Variants in BCHE observed in about 807,000 individuals in gnomAD.
BCHE encodes cholinesterase.
Under a neutral mutation model 51.3 loss-of-function variants are expected in BCHE, and 48 were observed. The observed-to-expected ratio is 0.94, with a 90% CI of 0.74 to 1.19. The LOEUF is 1.19. Ranked by LOEUF, BCHE falls within the 50% of genes most tolerant of loss-of-function variation. The probability of loss-of-function intolerance (pLI) is 0.00; values close to 1 mark genes in which losing one functional copy is unlikely to be tolerated. For synonymous variants in BCHE, 251 were observed against 238.0 expected (o/e 1.05, Z -0.50); for missense variants, 847 against 708.2 (o/e 1.20, Z -2.23).
chr3:165,812,286 A>AT (rs11391808), intron 2 of BCHE, among the ~76,000 whole-genome samples: 136,864 of 147,684 alleles, frequency 0.93, 63,601 homozygotes, highest in Non-Finnish European at 0.96. Flanking sequence ...TGAGTCTTTG[A>AT]TTTTTTTTTT....
chr3:165,788,309 GACAA>G (rs1440691040), intron 2 of BCHE, among the ~76,000 whole-genome samples: 6 of 152,014 alleles, frequency 3.9e-5, no homozygotes, highest in African/African-American at 1.4e-4. Context: ...GAGCTTTAGA[GACAA>G]ACAGTTTCTT....
chr3:165,796,373 A>G (rs1253240808), intron 2 of BCHE, among the ~76,000 whole-genome samples: 1 of 152,218 alleles, frequency 6.6e-6, no homozygotes, highest in African/African-American at 2.4e-5. Context: ...AATCCTGCAT[A>G]TAAGGTGAGA....
At chr3:165,822,199 GATAA>G (rs1350385689) in intron 2 of BCHE, among the ~76,000 whole-genome samples, 26 of 151,850 alleles carry the variant, frequency 1.7e-4, no homozygotes, top group Admixed American at 1.4e-3. Flanking sequence ...ATAAATAAAT[GATAA>G]ATAAATAAGA....
intron 2 of BCHE, among the ~76,000 whole-genome samples, chr3:165,821,926 T>C: frequency 7.3e-6 from 1 of 136,122 alleles, no homozygotes; most frequent in Middle Eastern, 3.4e-3. Context: ...TGGTGAAAAA[T>C]GTATTAATAC....
intron 2 of BCHE, among the ~76,000 whole-genome samples, chr3:165,819,274 T>TC (rs5854162): frequency 0.98 from 148,705 of 151,828 alleles, 72,842 homozygotes; most frequent in East Asian, 1. Flanking sequence ...AGATGGGGTT[T>TC]ACCATATTAG....
In BCHE at chr3:165,781,623, G is replaced by A. The variant is rs116832439; in HGVS notation, c.1684+4522C>T. 5.4e-3 allele frequency among the ~76,000 whole-genome samples: 824 copies of A among 152,122 alleles called. 5 individuals are homozygous for A. Among genetic ancestry groups the A allele is most frequent in the South Asian group, 0.024 (115 of 4,822 alleles). Reference sequence around the variant, plus strand: ...AGGGTGAGGGGAGGGAGAGCATTAGGACATATAGCTAGTGCATGCGGGGCT... The same window carrying A: ...AGGGTGAGGGGAGGGAGAGCATTAGAACATATAGCTAGTGCATGCGGGGCT... On this transcript the variant is annotated intron_variant, in intron 3 of 3. Transcript: ENST00000264381.
chr3:165,797,751 A>AT (rs1205918362), intron 2 of BCHE, among the ~76,000 whole-genome samples: 3 of 152,150 alleles, frequency 2.0e-5, no homozygotes, highest in African/African-American at 7.2e-5. Flanking sequence ...CATAAAATTG[A>AT]TGGCAGCAAG....
chr3:165,833,276 C>T (rs1443974869), intron 1 of BCHE, among the ~76,000 whole-genome samples: 1 of 151,848 alleles, frequency 6.6e-6, no homozygotes, highest in Non-Finnish European at 1.5e-5. Context: ...TGTCATATGC[C>T]ATTTATTGAC....
intron 2 of BCHE, among the ~76,000 whole-genome samples, chr3:165,808,536 T>C (rs369762753): frequency 6.6e-6 from 1 of 152,220 alleles, no homozygotes; most frequent in African/African-American, 2.4e-5. Context: ...TAATCTATGA[T>C]GTTGTAAGAT....
rs1474920169 is a variant in BCHE, at chr3:165,773,477, T to TCCACTCCCATTCTGCTTC, written c.1696_1713dup (p.Glu566_Trp571dup). 6.2e-7 allele frequency: 1 copy of TCCACTCCCATTCTGCTTC among 1,608,480 alleles called. No homozygotes were observed. ...TTGTTCCAGCGATGGAATCCTGCTTTCCACTCCCATTCTGCTTCATCAATA... is the reference window on the plus strand; with the variant it reads ...TTGTTCCAGCGATGGAATCCTGCTTTCCACTCCCATTCTGCTTCCCACTCCCATTCTGCTTCATCAATA... On this transcript the variant is annotated inframe_insertion, in exon 4 of 4. Transcript: ENST00000264381.
At chr3:165,782,989 G>A (rs1036006905) in intron 3 of BCHE, among the ~76,000 whole-genome samples, 1 of 151,918 alleles carries the variant, frequency 6.6e-6, no homozygotes, top group Non-Finnish European at 1.5e-5. Context: ...AATTTTAGGG[G>A]GACACAAACA....
chr3:165,789,728 T>C (rs1039153976), intron 2 of BCHE, among the ~76,000 whole-genome samples: 4 of 152,162 alleles, frequency 2.6e-5, no homozygotes, highest in Admixed American at 2.6e-4. Flanking sequence ...AATGTTAAAA[T>C]ATTTATAGAT....
intron 2 of BCHE, among the ~76,000 whole-genome samples, chr3:165,822,447 C>G (rs1018080039): frequency 1.3e-4 from 19 of 151,894 alleles, no homozygotes; most frequent in Non-Finnish European, 1.5e-4. Context: ...CTGTCAATGA[C>G]AAGTTTTAAT....
At chr3:165,799,125 A>G (rs1347296343) in intron 2 of BCHE, among the ~76,000 whole-genome samples, 1 of 152,106 alleles carries the variant, frequency 6.6e-6, no homozygotes, top group African/African-American at 2.4e-5. Flanking sequence ...TTTTAAGTTA[A>G]AATATTTTTT....
chr3:165,824,032 T>C lies in BCHE; in HGVS notation c.1517+5485A>G, dbSNP rs575748159. On this transcript the variant is annotated intron_variant, in intron 2 of 3. Transcript: ENST00000264381. ...CTTCAAGCAGTCCTCCTGCCTTGGC[T>C]TCCCAAAGTGGTGGGATTACAGGCA... Among the ~76,000 whole-genome samples, 640 of 151,972 alleles carry C rather than the reference T, an allele frequency of 4.2e-3. 3 individuals carry two copies. Among genetic ancestry groups the C allele is most frequent in the South Asian group, 0.014 (65 of 4,808 alleles).
At chr3:165,787,344 A>G (rs1446481823) in intron 2 of BCHE, among the ~76,000 whole-genome samples, 2 of 151,892 alleles carry the variant, frequency 1.3e-5, no homozygotes, top group African/African-American at 4.8e-5. Context: ...TGTTATTAGT[A>G]TGAGTTAGAC....
At chr3:165,806,597 T>C (rs79592935) in intron 2 of BCHE, among the ~76,000 whole-genome samples, 285 of 152,314 alleles carry the variant, frequency 1.9e-3, no homozygotes, top group African/African-American at 6.7e-3. Flanking sequence ...GTGATTATAG[T>C]AAATCATACA....
chr3:165,777,770 CT>C (rs1305154948), intron 3 of BCHE: 2 of 451,306 alleles, frequency 4.4e-6, no homozygotes, highest in South Asian at 1.6e-5. Flanking sequence ...CCAACAGCTC[CT>C]TTTCCCCTCC....
chr3:165,810,340 C>A (rs1219679515), intron 2 of BCHE, among the ~76,000 whole-genome samples: 3 of 152,098 alleles, frequency 2.0e-5, no homozygotes, highest in African/African-American at 7.2e-5. Flanking sequence ...GAAGATTATG[C>A]CCACTCAAAA....
Sources: allele counts gnomAD v4.1 joint callset (sites outside exome capture counted in the v4.1 genomes callset), GRCh38; gene constraint gnomAD v4.1.1; transcripts MANE v1.5; gene names NCBI Gene and HGNC (gene_info 2026-07-23, HGNC 2026-07-21).